Variants in HECW2 observed in about 807,000 individuals in gnomAD.
HECW2 encodes the protein E3 ubiquitin-protein ligase HECW2.
A neutral mutation model predicts 175.2 loss-of-function variants in HECW2; 61 were observed. The ratio of observed to expected loss-of-function variants is 0.35; its 90% CI spans 0.28 to 0.43. The LOEUF is 0.43. Among genes scored for constraint, HECW2 ranks in the 20% least tolerant of loss-of-function variants. The pLI, the probability that HECW2 is intolerant of heterozygous loss-of-function variation, is 1.00. For synonymous variants in HECW2, 671 were observed against 731.0 expected (o/e 0.92, Z 1.32); for missense variants, 1,524 against 2,000.5 (o/e 0.76, Z 4.54).
intron 1 of HECW2, among the ~76,000 whole-genome samples, chr2:196,491,720 C>T (rs1045353265): frequency 6.6e-6 from 1 of 151,790 alleles, no homozygotes; most frequent in African/African-American, 2.4e-5. Flanking sequence ...TTAATCAAAA[C>T]TAGTTTTCAA....
intron 13 of HECW2, among the ~76,000 whole-genome samples, chr2:196,297,547 T>A (rs1305704517): frequency 6.6e-6 from 1 of 152,198 alleles, no homozygotes; most frequent in Non-Finnish European, 1.5e-5. Flanking sequence ...TTTTCCTTAG[T>A]GTTATGATGA....
At chr2:196,443,904 G>A (rs1377524657) in intron 1 of HECW2, among the ~76,000 whole-genome samples, 2 of 152,104 alleles carry the variant, frequency 1.3e-5, no homozygotes, top group Non-Finnish European at 2.9e-5. Flanking sequence ...GCATGGTGGC[G>A]TGCGCCTATA....
intron 1 of HECW2, among the ~76,000 whole-genome samples, chr2:196,507,071 G>T (rs1443013040): frequency 1.3e-5 from 2 of 151,906 alleles, no homozygotes; most frequent in Non-Finnish European, 2.9e-5. Flanking sequence ...TAAAAGAATG[G>T]CTCAACATTG....
chr2:196,232,944 T>C (rs1401029742), intron 21 of HECW2, among the ~76,000 whole-genome samples: 5 of 152,220 alleles, frequency 3.3e-5, no homozygotes. Context: ...AAAGCCAAAA[T>C]AGTCTTAAAC....
chr2:196,469,205 G>A (rs1266962428), intron 1 of HECW2, among the ~76,000 whole-genome samples: 1 of 151,572 alleles, frequency 6.6e-6, no homozygotes, highest in Non-Finnish European at 1.5e-5. Flanking sequence ...TATAAGAGGA[G>A]CTGCCCCGCC....
intron 1 of HECW2, among the ~76,000 whole-genome samples, chr2:196,531,451 T>C (rs1443089660): frequency 6.6e-6 from 1 of 151,870 alleles, no homozygotes; most frequent in Non-Finnish European, 1.5e-5. Flanking sequence ...AGGTCAGGAG[T>C]TCGAGACCAG....
At chr2:196,553,005 A>G (rs1048355678) in intron 1 of HECW2, among the ~76,000 whole-genome samples, 1 of 152,224 alleles carries the variant, frequency 6.6e-6, no homozygotes, top group African/African-American at 2.4e-5. Flanking sequence ...CCAGGGGGAG[A>G]TGACTGTGCC....
At chr2:196,279,566 C>G (rs57481185) in intron 14 of HECW2, among the ~76,000 whole-genome samples, 1,897 of 152,248 alleles carry the variant, frequency 0.012, 38 homozygotes, top group African/African-American at 0.043. Flanking sequence ...TGGCCCGTTA[C>G]TATAAGAATA....
intron 1 of HECW2, among the ~76,000 whole-genome samples, chr2:196,504,022 G>A (rs1390505950): frequency 3.3e-5 from 5 of 152,094 alleles, no homozygotes; most frequent in East Asian, 1.9e-4. Flanking sequence ...GCTGCCAGGC[G>A]CGGTGGCTCA....
Position 196,222,582 on chromosome 2 carries a change from G to A in HECW2, c.4017-242C>T, listed in dbSNP as rs368166467. Among the ~76,000 whole-genome samples the A allele has an allele frequency of 3.5e-4, 53 of 152,236 alleles. 1 individual carries two copies. Among genetic ancestry groups the A allele is most frequent in the African/African-American group, 5.3e-4 (22 of 41,536 alleles). On this transcript the variant is annotated intron_variant, in intron 23 of 28. Transcript: ENST00000644978. Reference sequence around the variant, plus strand: ...ATGCCACAGGAATCATTCAGCCTGCGTCTTCCTTTATAGACACAGAACTGG... The same window carrying A: ...ATGCCACAGGAATCATTCAGCCTGCATCTTCCTTTATAGACACAGAACTGG...
intron 2 of HECW2, among the ~76,000 whole-genome samples, chr2:196,422,484 GT>G (rs1695432889): frequency 6.6e-6 from 1 of 152,134 alleles, no homozygotes; most frequent in East Asian, 1.9e-4. Context: ...TGATAAAATG[GT>G]TGAGCCTTTA....
chr2:196,534,516 A>T (rs1688953005), intron 1 of HECW2, among the ~76,000 whole-genome samples: 1 of 152,184 alleles, frequency 6.6e-6, no homozygotes, highest in Non-Finnish European at 1.5e-5. Flanking sequence ...CAGCCTCAGA[A>T]ATGAGAACGG....
chr2:196,530,074 CAGA>C (rs1688792335), intron 1 of HECW2, among the ~76,000 whole-genome samples: 1 of 152,126 alleles, frequency 6.6e-6, no homozygotes, highest in Non-Finnish European at 1.5e-5. Flanking sequence ...AGAAAAAAAT[CAGA>C]AGATCTGGCA....
At position 196,329,574 on chromosome 2, in the gene HECW2, C is replaced by G; in HGVS notation, c.571+1G>C. The G allele has an allele frequency of 1.2e-6, 2 of 1,611,932 alleles. No homozygotes were observed. The highest frequency in any genetic ancestry group is 1.7e-6 in the Non-Finnish European group (2 of 1,178,120). On this transcript the variant is annotated splice_donor_variant, in intron 5 of 28. Coordinates refer to ENST00000644978, the MANE Select transcript of HECW2 (RefSeq NM_001348768.2). LOFTEE classifies it high-confidence loss of function. ...GATGTCACGTTTAAAGACATTCTTA[C>G]CTGACAATGTAAAGCTAACAAGTTT...
At chr2:196,578,995 T>A (rs138483639) in intron 1 of HECW2, among the ~76,000 whole-genome samples, 4 of 152,166 alleles carry the variant, frequency 2.6e-5, no homozygotes, top group South Asian at 2.1e-4. Context: ...TAAATGACAA[T>A]TGCATAAAGC....
At chr2:196,592,514 A>T (rs1233123761) in intron 1 of HECW2, 2 of 152,400 alleles carry the variant, frequency 1.3e-5, no homozygotes, top group East Asian at 1.9e-4. Context: ...CTGCAGCCCC[A>T]GTTTGCTCCA....
chr2:196,580,161 C>T (rs1039035726), intron 1 of HECW2, among the ~76,000 whole-genome samples: 15 of 152,110 alleles, frequency 9.9e-5, no homozygotes, highest in African/African-American at 3.4e-4. Context: ...ATGCACTTAA[C>T]AACAAGGCAG....
rs955123612 is a variant in HECW2 at position 196,219,653 on chromosome 2, T to C, written c.4408+386A>G. Among the ~76,000 whole-genome samples the C allele has an allele frequency of 7.2e-5, 11 of 152,234 alleles. No homozygotes were observed. In the South Asian group the frequency reaches 8.3e-4, roughly 11 times the overall value. ...GTGAACAGTGGAAAAACTGTGCTGA[T>C]TGGGAAGCTCAAAGGGTGTGCTTTT... On this transcript the variant is annotated intron_variant, in intron 26 of 28. Coordinates refer to ENST00000644978, the MANE Select transcript of HECW2 (RefSeq NM_001348768.2).
chr2:196,570,653 T>C (rs1690352934), intron 1 of HECW2, among the ~76,000 whole-genome samples: 2 of 152,258 alleles, frequency 1.3e-5, no homozygotes, highest in Admixed American at 1.3e-4. Flanking sequence ...TATACCTATG[T>C]AGCAAACCTG....
Sources: gnomAD v4.1 joint callset for allele counts (sites outside exome capture counted in the v4.1 genomes callset) on GRCh38, gnomAD v4.1.1 for gene constraint, MANE v1.5 for transcripts, NCBI Gene and HGNC (gene_info 2026-07-23, HGNC 2026-07-21) for gene names.